The following RBM41 variants were observed in gnomAD, a reference collection of about 807,000 sequenced individuals.
RBM41 encodes RNA-binding protein 41.
A neutral mutation model predicts 30.8 loss-of-function variants in RBM41; 14 were observed. The ratio of observed to expected loss-of-function variants is 0.45; its 90% CI spans 0.30 to 0.71. The LOEUF is 0.71. Ranked by LOEUF, RBM41 falls within the 30% of genes least tolerant of loss-of-function variation. The pLI is 0.08. For missense variants in RBM41, 276 were observed against 326.3 expected, an observed-to-expected ratio of 0.85 and a Z score of 1.19; for synonymous variants, 120 against 110.1, an observed-to-expected ratio of 1.09 and a Z score of -0.56.
In RBM41 at chrX:107,066,121, T is replaced by C. The variant is rs1436392627; in HGVS notation, c.*1406A>G. 8.9e-6 allele frequency among the ~76,000 whole-genome samples: 1 copy of C among 112,254 alleles called. No homozygotes were observed. Among genetic ancestry groups the C allele is most frequent in the East Asian group, 2.8e-4 (1 of 3,616 alleles). ...ATTATTGGTTGACAGTTATTTTCTT[T>C]GAACACTTTGAATGTGTTATTCCAC... On this transcript the variant is annotated 3_prime_UTR_variant, in exon 8 of 8. Transcript: ENST00000685964.
the RBM41 span, among the ~76,000 whole-genome samples, chrX:107,055,954 T>C: frequency 8.9e-6 from 1 of 112,256 alleles, no homozygotes; most frequent in East Asian, 2.8e-4. Context: ...ACTAACATCA[T>C]ACACAATGGT....
chrX:107,052,894 A>G, the RBM41 span, among the ~76,000 whole-genome samples: 1 of 111,973 alleles, frequency 8.9e-6, no homozygotes, highest in African/African-American at 3.2e-5. Context: ...TTTCTCAGTG[A>G]CAATTCTGGA....
intron 5 of RBM41, among the ~76,000 whole-genome samples, chrX:107,109,838 G>C (rs1163314234): frequency 9.0e-6 from 1 of 110,958 alleles, no homozygotes; most frequent in Admixed American, 9.6e-5. Context: ...TATTCCTTTT[G>C]ATTTCCTTTT....
intron 6 of RBM41, among the ~76,000 whole-genome samples, chrX:107,074,281 ATAAAT>A (rs759280060): frequency 1.8e-4 from 20 of 111,140 alleles, no homozygotes; most frequent in Non-Finnish European, 3.6e-4. Flanking sequence ...TAAAAAGAAA[ATAAAT>A]AAAATAATAA....
At chrX:107,085,050 C>A (rs1921893885) in intron 6 of RBM41, among the ~76,000 whole-genome samples, 1 of 110,633 alleles carries the variant, frequency 9.0e-6, no homozygotes, top group Non-Finnish European at 1.9e-5. Context: ...ATGAACAATG[C>A]CACAACAAGC....
chrX:107,061,245 T>A (rs1479624066), downstream of RBM41, among the ~76,000 whole-genome samples: 3 of 112,115 alleles, frequency 2.7e-5, no homozygotes, highest in Non-Finnish European at 5.6e-5. Flanking sequence ...GTTTCCTGAT[T>A]TTGATAACTG....
chrX:107,112,390 G>A (rs995312085), intron 5 of RBM41, among the ~76,000 whole-genome samples: 3 of 111,538 alleles, frequency 2.7e-5, no homozygotes, highest in African/African-American at 9.8e-5. Flanking sequence ...ACCAAGTGCT[G>A]ACAAAGATGT....
chrX:107,103,564 T>C (rs1167600007), intron 5 of RBM41, among the ~76,000 whole-genome samples: 1 of 111,526 alleles, frequency 9.0e-6, no homozygotes, highest in Non-Finnish European at 1.9e-5. Context: ...TAAATTTCTG[T>C]TGTTCTAAGC....
chrX:107,082,309 T>C (rs1921601342), intron 6 of RBM41, among the ~76,000 whole-genome samples: 1 of 112,115 alleles, frequency 8.9e-6, no homozygotes, highest in Non-Finnish European at 1.9e-5. Context: ...TGGCAGATTA[T>C]ATTAATTGAA....
At chrX:107,108,124 AT>A (rs1924168193) in intron 5 of RBM41, among the ~76,000 whole-genome samples, 1 of 111,703 alleles carries the variant, frequency 9.0e-6, no homozygotes, top group Non-Finnish European at 1.9e-5. Context: ...ACAAACATGG[AT>A]TTAAGTCCCA....
At chrX:107,073,333 A>G (rs1936131693) in intron 6 of RBM41, among the ~76,000 whole-genome samples, 1 of 111,968 alleles carries the variant, frequency 8.9e-6, no homozygotes, top group Non-Finnish European at 1.9e-5. Flanking sequence ...CAAATGATCT[A>G]AACAGCTATT....
intron 6 of RBM41, among the ~76,000 whole-genome samples, chrX:107,084,228 G>A (rs781417106): frequency 2.7e-5 from 3 of 110,136 alleles, no homozygotes; most frequent in African/African-American, 6.6e-5. Flanking sequence ...TATAATCCAC[G>A]ATTATTATAC....
At chrX:107,096,586 T>C (rs1922989383) in intron 5 of RBM41, among the ~76,000 whole-genome samples, 1 of 111,315 alleles carries the variant, frequency 9.0e-6, no homozygotes, top group South Asian at 3.7e-4. Flanking sequence ...ACTTCACACA[T>C]AAAAATCAAC....
chrX:107,080,308 G>A (rs1305772472), intron 6 of RBM41, among the ~76,000 whole-genome samples: 3 of 110,911 alleles, frequency 2.7e-5, no homozygotes, highest in Non-Finnish European at 5.7e-5. Flanking sequence ...GCCGGGCATG[G>A]TAGCTCATGC....
downstream of RBM41, among the ~76,000 whole-genome samples, chrX:107,059,193 G>T (rs985371444): frequency 9.0e-6 from 1 of 111,059 alleles, no homozygotes; most frequent in African/African-American, 3.3e-5. Flanking sequence ...TCTCTCAAAG[G>T]CCCCAATTCC....
intron 6 of RBM41, among the ~76,000 whole-genome samples, chrX:107,082,795 AACAAAG>A (rs764420163): frequency 9.0e-5 from 10 of 110,912 alleles, no homozygotes; most frequent in Non-Finnish European, 1.7e-4. Flanking sequence ...AATACCTTAT[AACAAAG>A]ACAAATTTGT....
chrX:107,109,939 C>T (rs1434097692), intron 5 of RBM41, among the ~76,000 whole-genome samples: 2 of 111,129 alleles, frequency 1.8e-5, no homozygotes, highest in Non-Finnish European at 3.8e-5. Context: ...TTTCATTCCA[C>T]TGTGAACAGA....
chrX:107,063,193 C>T lies in RBM41; in HGVS notation c.*4334G>A, dbSNP rs994519645. The stretch of plus-strand genomic sequence containing the variant: ...GAAACTTCATACACTTCAACTGTTA[C>T]CCCCAGCCCTTCCCATTCCCCCCAA... On this transcript the variant is annotated 3_prime_UTR_variant, in exon 8 of 8. Transcript: ENST00000685964. Among the ~76,000 whole-genome samples, 5 of 111,064 alleles carry T rather than the reference C, an allele frequency of 4.5e-5. No homozygotes were observed. Among genetic ancestry groups the T allele is most frequent in the African/African-American group, 1.6e-4 (5 of 30,562 alleles).
intron 5 of RBM41, among the ~76,000 whole-genome samples, chrX:107,095,159 A>G (rs1198236350): frequency 9.1e-6 from 1 of 109,720 alleles, no homozygotes; most frequent in Non-Finnish European, 1.9e-5. Flanking sequence ...CAAAAAAAAA[A>G]AAAAAAAAAT....
Sources: gnomAD v4.1 joint callset for allele counts (sites outside exome capture counted in the v4.1 genomes callset) on GRCh38, gnomAD v4.1.1 for gene constraint, MANE v1.5 for transcripts, NCBI Gene and HGNC (gene_info 2026-07-23, HGNC 2026-07-21) for gene names.